Variants in ADAMTS9 observed in about 807,000 individuals in gnomAD.
ADAMTS9 encodes A disintegrin and metalloproteinase with thrombospondin motifs 9.
In ADAMTS9, 107 loss-of-function variants were observed where a neutral mutation model predicts 257.1. The ratio of observed to expected loss-of-function variants is 0.42; its 90% CI spans 0.36 to 0.49. ADAMTS9 has a LOEUF of 0.49. Ranked by LOEUF, ADAMTS9 falls within the 20% of genes least tolerant of loss-of-function variation. The probability of loss-of-function intolerance (pLI) is 0.03; values close to 1 mark genes in which losing one functional copy is unlikely to be tolerated. For synonymous variants in ADAMTS9, 982 were observed against 880.9 expected (o/e 1.11, Z -2.03); for missense variants, 2,353 against 2,469.1 (o/e 0.95, Z 1.00).
chr3:64,539,142 G>T, intron 37 of ADAMTS9, 61 bp downstream of exon 37: 5 of 1,486,338 alleles, frequency 3.4e-6, no homozygotes, highest in Non-Finnish European at 4.7e-6. Context: ...TGCAACTGAG[G>T]ATGTTCCCGG....
In ADAMTS9 at chr3:64,649,385, G is replaced by C. The variant is rs538991147; in HGVS notation, c.1605+252C>G. ...TGAGCCTCACTTTCACTTGTAAAAT[G>C]AAAGTGATGATGGCATCTTCCTTTT... On this transcript the variant is annotated intron_variant, in intron 10 of 39. Transcript: ENST00000498707. Among the ~76,000 whole-genome samples, 5 of 152,308 alleles carry C rather than the reference G, an allele frequency of 3.3e-5. No individual in the cohort carries two copies. In the East Asian group the frequency reaches 7.7e-4, roughly 23 times the overall value.
intron 30 of ADAMTS9, among the ~76,000 whole-genome samples, chr3:64,557,123 G>T (rs1240595686): frequency 6.6e-6 from 1 of 152,156 alleles, no homozygotes; most frequent in African/African-American, 2.4e-5. Flanking sequence ...CTTCTGAGAG[G>T]AAGTGACATC....
chr3:64,525,999 ATATTT>A (rs2082905472), intron 38 of ADAMTS9, among the ~76,000 whole-genome samples: 2 of 147,568 alleles, frequency 1.4e-5, no homozygotes, highest in Non-Finnish European at 3.0e-5. Flanking sequence ...AATATTTTAT[ATATTT>A]TATATTTATA....
At chr3:64,564,614 T>TGG (rs2083494601) in intron 29 of ADAMTS9, among the ~76,000 whole-genome samples, 1 of 149,110 alleles carries the variant, frequency 6.7e-6, no homozygotes, top group African/African-American at 2.6e-5. Context: ...TTCTTTTTTG[T>TGG]GTGTGGGGGG....
rs370310120 is a variant in ADAMTS9 at position 64,686,740 on chromosome 3, G to A, written c.344C>T (p.Ala115Val). ...FGQQFLFNLTANAGFIAPLFT... is the reference protein window; with the variant it reads ...FGQQFLFNLTVNAGFIAPLFT... ...CAGTGGAGCGATAAATCCGGCATTG[G>A]CGGTGAGATTAAATAGAAACTGCTG... is the stretch of plus-strand genomic sequence containing the variant. The change falls in exon 2 of 40, where the codon GCC becomes GTC. Residue 115 changes from alanine (A) to valine (V), a missense_variant. Ala to Val is a moderately conservative substitution (Grantham distance 64). Around this residue, in one of 3 missense-constraint regions of ADAMTS9, gnomAD observed 591 missense variants for 569.6 expected, o/e 1.04. Transcript: ENST00000498707. This position sits in a 1 kb window ranked among gnomAD's most constrained non-coding sequence, Gnocchi z 4.6. 6 of 1,614,108 alleles carry A rather than the reference G, an allele frequency of 3.7e-6. No individual in the cohort carries two copies. Among genetic ancestry groups the A allele is most frequent in the East Asian group, 2.2e-5 (1 of 44,890 alleles).
chr3:64,561,691 G>A lies in ADAMTS9; in HGVS notation c.4585C>T (p.His1529Tyr), dbSNP rs1386836044. ...QRHVGCQIGT[H>Y]KIARETECNP... ...CACTCGGTCTCTCTGGCTATTTTGT[G>A]TGTTCCGATCTGACAGCCCACATGC... Residue 1529 changes from histidine to tyrosine, a missense_variant, in exon 30 of 40, where the codon CAC (histidine) becomes TAC (tyrosine). Around this residue, in one of 3 missense-constraint regions of ADAMTS9, gnomAD observed 1,402 missense variants for 1,441.4 expected, o/e 0.97. Coordinates refer to ENST00000498707, the MANE Select transcript of ADAMTS9 (RefSeq NM_182920.2). The A allele has an allele frequency of 6.8e-6, 11 of 1,613,738 alleles. No homozygotes were observed. The highest frequency in any genetic ancestry group is 5.0e-5 in the Admixed American group (3 of 59,978).
intron 16 of ADAMTS9, 69 bp downstream of exon 16, chr3:64,631,386 G>T: frequency 1.6e-6 from 2 of 1,233,104 alleles, no homozygotes; most frequent in Non-Finnish European, 2.4e-6. Flanking sequence ...GCCAGAGAAG[G>T]AAGGAAGCAG....
chr3:64,531,926 G>A (rs901630245), intron 38 of ADAMTS9, among the ~76,000 whole-genome samples: 6 of 152,144 alleles, frequency 3.9e-5, no homozygotes, highest in African/African-American at 1.4e-4. Flanking sequence ...TCTGCCCCAC[G>A]TTCTCAGGAC....
intron 30 of ADAMTS9, among the ~76,000 whole-genome samples, chr3:64,560,951 T>A (rs959759265): frequency 2.6e-5 from 4 of 152,084 alleles, no homozygotes; most frequent in African/African-American, 9.7e-5. Flanking sequence ...GCCAAACTTT[T>A]CCCCATGGAC....
rs1389561676 is a variant in ADAMTS9 at position 64,655,811 on chromosome 3, A to G, written c.1034T>C (p.Ile345Thr). ...NLINIVIVNL[I>T]VIHNEQDGPS... is the part of the protein sequence containing the mutation. ...TATTACCTGTTCATTATGAATCACAATTAAGTTCACAATAACAATATTAAT... is the reference window on the plus strand; with the variant it reads ...TATTACCTGTTCATTATGAATCACAGTTAAGTTCACAATAACAATATTAAT... Residue 345 changes from isoleucine to threonine, a missense_variant, in exon 5 of 40, where the codon ATT (isoleucine) becomes ACT (threonine). By Grantham distance (89) the Ile-to-Thr change is moderately conservative. Coordinates refer to ENST00000498707, the MANE Select transcript of ADAMTS9 (RefSeq NM_182920.2). 1.1e-5 allele frequency: 18 copies of G among 1,575,158 alleles called. No individual in the cohort carries two copies. The highest frequency in any genetic ancestry group is 1.4e-5 in the Non-Finnish European group (16 of 1,164,578).
chr3:64,627,717 T>C (rs1447110038), intron 16 of ADAMTS9, among the ~76,000 whole-genome samples: 1 of 152,106 alleles, frequency 6.6e-6, no homozygotes, highest in African/African-American at 2.4e-5. Flanking sequence ...TTCCCTCCCA[T>C]TGCACCCATC....
At chr3:64,537,238 G>C (rs532797670) in intron 37 of ADAMTS9, among the ~76,000 whole-genome samples, 1 of 152,262 alleles carries the variant, frequency 6.6e-6, no homozygotes, top group South Asian at 2.1e-4. Context: ...AAATCAATCA[G>C]TTCATTTGTC....
At chr3:64,652,756 C>T (rs958757333) in intron 8 of ADAMTS9, among the ~76,000 whole-genome samples, 3 of 152,042 alleles carry the variant, frequency 2.0e-5, no homozygotes, top group African/African-American at 7.2e-5. Context: ...GCTTTAGATG[C>T]CTTATTTCAT....
intron 38 of ADAMTS9, among the ~76,000 whole-genome samples, chr3:64,529,782 A>G (rs1159676377): frequency 6.6e-6 from 1 of 152,056 alleles, no homozygotes; most frequent in Non-Finnish European, 1.5e-5. Flanking sequence ...TACAGATGTC[A>G]ATTTCTGGCC....
chr3:64,629,117 C>T (rs1314649210), intron 16 of ADAMTS9, among the ~76,000 whole-genome samples: 1 of 152,086 alleles, frequency 6.6e-6, no homozygotes, highest in African/African-American at 2.4e-5. Context: ...AAAAGATATC[C>T]AGAATCTAAC....
chr3:64,558,818 T>G (rs2083375790), intron 30 of ADAMTS9, among the ~76,000 whole-genome samples: 1 of 152,104 alleles, frequency 6.6e-6, no homozygotes, highest in Admixed American at 6.5e-5. Flanking sequence ...AGAAGGGGTA[T>G]CCTATAATGG....
chr3:64,624,238 T>G (rs1700175036), intron 16 of ADAMTS9, among the ~76,000 whole-genome samples: 1 of 126,372 alleles, frequency 7.9e-6, no homozygotes, highest in Non-Finnish European at 1.7e-5. Context: ...ACAAAGAGAG[T>G]GGGAAAGAGA....
At chr3:64,665,719 A>T (rs1048931998) in intron 3 of ADAMTS9, among the ~76,000 whole-genome samples, 1 of 152,156 alleles carries the variant, frequency 6.6e-6, no homozygotes, top group African/African-American at 2.4e-5. Flanking sequence ...CTGACATCCA[A>T]CTTTTTAATA....
intron 3 of ADAMTS9, among the ~76,000 whole-genome samples, chr3:64,680,742 T>C (rs1190187848): frequency 6.6e-6 from 1 of 152,176 alleles, no homozygotes; most frequent in Non-Finnish European, 1.5e-5. Flanking sequence ...CAAACACATA[T>C]ATGTTTTCGT....
Sources: gnomAD v4.1 joint callset for allele counts (sites outside exome capture counted in the v4.1 genomes callset) on GRCh38, gnomAD v4.1.1 for gene constraint, gnomAD v4.1.1 regional missense constraint, Gnocchi (gnomAD v3.1) non-coding constraint, MANE v1.5 for transcripts, NCBI Gene and HGNC (gene_info 2026-07-23, HGNC 2026-07-21) for gene names.